The following MEOX2 variants were observed in gnomAD, a reference collection of about 807,000 sequenced individuals.
MEOX2 encodes mesenchyme homeobox 2.
A neutral mutation model predicts 27.0 loss-of-function variants in MEOX2; 11 were observed. The observed-to-expected ratio is 0.41, with a 90% CI of 0.26 to 0.68. MEOX2 has a LOEUF of 0.68. MEOX2 is among the 30% of genes least tolerant of loss of function. The pLI is 0.33. For missense variants in MEOX2, 436 were observed against 385.4 expected (o/e 1.13, Z -1.10); for synonymous variants, 189 against 155.4 (o/e 1.22, Z -1.61).
chr7:15,674,766 G>A (rs539656840), intron 1 of MEOX2, among the ~76,000 whole-genome samples: 2 of 152,256 alleles, frequency 1.3e-5, no homozygotes, highest in South Asian at 4.2e-4. Flanking sequence ...TATTAGAGAG[G>A]AACAGATGGG....
At chr7:15,647,842 A>G (rs565538142) in intron 1 of MEOX2, among the ~76,000 whole-genome samples, 39 of 152,270 alleles carry the variant, frequency 2.6e-4, no homozygotes, top group African/African-American at 7.7e-4. Context: ...TTCTAGGATT[A>G]CCATGGAGGC....
At chr7:15,653,308 C>T (rs1326524621) in intron 1 of MEOX2, among the ~76,000 whole-genome samples, 4 of 151,902 alleles carry the variant, frequency 2.6e-5, no homozygotes, top group Non-Finnish European at 4.4e-5. Flanking sequence ...TCTTTCTATC[C>T]TTGGCCCACT....
At chr7:15,640,088 A>G (rs770103628) in intron 1 of MEOX2, among the ~76,000 whole-genome samples, 2 of 152,128 alleles carry the variant, frequency 1.3e-5, no homozygotes, top group Non-Finnish European at 2.9e-5. Context: ...TAGTCATTTT[A>G]ATGATATTGA....
chr7:15,623,802 T>C (rs1781254704), intron 2 of MEOX2, among the ~76,000 whole-genome samples: 1 of 152,256 alleles, frequency 6.6e-6, no homozygotes, highest in Admixed American at 6.5e-5. Flanking sequence ...ACATCATTCC[T>C]CTCCTGTGAC....
At position 15,686,485 on chromosome 7, in the gene MEOX2, C is replaced by A; in HGVS notation, c.-83G>T. ...CCCTCTGTCACTTTTTCACTGGAAA[C>A]CGTGTGATTTTTTTTTTAACCTCCC... is the stretch of plus-strand genomic sequence containing the variant. On this transcript the variant is annotated 5_prime_UTR_variant, in exon 1 of 3. Coordinates refer to ENST00000262041, the MANE Select transcript of MEOX2 (RefSeq NM_005924.5). The A allele has an allele frequency of 7.9e-7, 1 of 1,267,946 alleles. No individual in the cohort carries two copies. Among genetic ancestry groups the A allele is most frequent in the Non-Finnish European group, 1.1e-6 (1 of 952,166 alleles). The allele number at this position is 1,267,946 out of a possible 1,614,324, so 78.5% of individuals were successfully genotyped here.
At chr7:15,636,389 T>C (rs1781479040) in intron 1 of MEOX2, among the ~76,000 whole-genome samples, 1 of 151,964 alleles carries the variant, frequency 6.6e-6, no homozygotes, top group Non-Finnish European at 1.5e-5. Context: ...AAATAATGCA[T>C]AAAGGTAATG....
chr7:15,649,558 GA>G (rs1781704367), intron 1 of MEOX2, among the ~76,000 whole-genome samples: 1 of 151,962 alleles, frequency 6.6e-6, no homozygotes, highest in African/African-American at 2.4e-5. Context: ...CAGATGACAA[GA>G]AAAATAAGAA....
At chr7:15,631,888 A>G (rs937159944) in intron 1 of MEOX2, among the ~76,000 whole-genome samples, 1 of 58,718 alleles carries the variant, frequency 1.7e-5, no homozygotes, top group Admixed American at 1.6e-4. Flanking sequence ...AGAAAAGAGC[A>G]AGTTAAGCCA....
chr7:15,643,075 G>A (rs966652659), intron 1 of MEOX2, among the ~76,000 whole-genome samples: 3 of 152,154 alleles, frequency 2.0e-5, no homozygotes, highest in African/African-American at 7.2e-5. Context: ...TATGCTACAG[G>A]TCAATAGGTA....
chr7:15,678,059 A>G (rs1465175761), intron 1 of MEOX2, among the ~76,000 whole-genome samples: 3 of 152,184 alleles, frequency 2.0e-5, no homozygotes, highest in African/African-American at 7.2e-5. Context: ...CATGGGTGGC[A>G]GCAAGCCTCC....
At chr7:15,642,165 T>C (rs148843051) in intron 1 of MEOX2, among the ~76,000 whole-genome samples, 1 of 152,178 alleles carries the variant, frequency 6.6e-6, no homozygotes, top group Non-Finnish European at 1.5e-5. Context: ...TCTCTAGCAA[T>C]ATTAGGGAAA....
chr7:15,645,749 C>T (rs1781636215), intron 1 of MEOX2, among the ~76,000 whole-genome samples: 1 of 152,110 alleles, frequency 6.6e-6, no homozygotes, highest in Admixed American at 6.5e-5. Context: ...GTAAAATATG[C>T]AGAGTGCCTG....
chr7:15,683,919 G>T (rs1400027854), intron 1 of MEOX2, among the ~76,000 whole-genome samples: 1 of 152,034 alleles, frequency 6.6e-6, no homozygotes, highest in Non-Finnish European at 1.5e-5. Flanking sequence ...CTCATTATCA[G>T]CTTCAAAATG....
At chr7:15,612,774 T>C (rs1781053162) in intron 2 of MEOX2, among the ~76,000 whole-genome samples, 163 bp from the exon 3 acceptor site, 1 of 152,188 alleles carries the variant, frequency 6.6e-6, no homozygotes, top group Non-Finnish European at 1.5e-5. Context: ...TTTAATCAGG[T>C]TACATGTTCA....
chr7:15,626,300 C>T (rs1045708420), intron 2 of MEOX2, among the ~76,000 whole-genome samples: 1 of 152,016 alleles, frequency 6.6e-6, no homozygotes, highest in African/African-American at 2.4e-5. Flanking sequence ...AAGTAATGAA[C>T]ATTTTTATGT....
chr7:15,632,120 G>T (rs1036000256), intron 1 of MEOX2, among the ~76,000 whole-genome samples: 1 of 151,694 alleles, frequency 6.6e-6, no homozygotes, highest in African/African-American at 2.4e-5. Context: ...CTTGAAGTAG[G>T]TAATAAAATT....
chr7:15,613,656 A>T (rs1284819284), intron 2 of MEOX2, among the ~76,000 whole-genome samples: 1 of 152,126 alleles, frequency 6.6e-6, no homozygotes. Flanking sequence ...AACAAGTAAT[A>T]TTAAAACTAT....
At chr7:15,626,976 A>T (rs563767319) in intron 1 of MEOX2, 58 bp from the exon 2 acceptor site, 18 of 1,516,966 alleles carry the variant, frequency 1.2e-5, no homozygotes, top group Non-Finnish European at 1.3e-5. Context: ...ACATGCAATC[A>T]TATTATTCAC....
intron 1 of MEOX2, among the ~76,000 whole-genome samples, chr7:15,640,656 G>T (rs1196630894): frequency 6.6e-6 from 1 of 152,128 alleles, no homozygotes; most frequent in Non-Finnish European, 1.5e-5. Context: ...GATGTTAGTT[G>T]TGGGTTTGTC....
Sources: allele counts gnomAD v4.1 joint callset (sites outside exome capture counted in the v4.1 genomes callset), GRCh38; gene constraint gnomAD v4.1.1; transcripts MANE v1.5; gene names NCBI Gene and HGNC (gene_info 2026-07-23, HGNC 2026-07-21).